Variants in TOX observed in about 807,000 individuals in gnomAD.
The protein encoded by TOX is thymocyte selection associated high mobility group box.
A neutral mutation model predicts 53.7 loss-of-function variants in TOX; 11 were observed. That is an observed-to-expected ratio of 0.20 (90% CI 0.13 to 0.34). The LOEUF is 0.34. TOX is among the 10% of genes least tolerant of loss of function. TOX has a pLI of 1.00. For synonymous variants in TOX, 225 were observed against 245.3 expected (o/e 0.92, Z 0.77); for missense variants, 570 against 664.6 (o/e 0.86, Z 1.56).
intron 1 of TOX, among the ~76,000 whole-genome samples, chr8:58,969,761 C>G (rs191989677): frequency 6.6e-6 from 1 of 152,220 alleles, no homozygotes; most frequent in East Asian, 1.9e-4. Flanking sequence ...AATACTTCAT[C>G]CTCCCCTTTG....
chr8:58,808,058 G>C, intron 8 of TOX, 60 bp downstream of exon 8: 2 of 1,556,282 alleles, frequency 1.3e-6, no homozygotes, highest in Non-Finnish European at 1.7e-6. Flanking sequence ...CGATCAACTA[G>C]GGACGATATG....
intron 1 of TOX, among the ~76,000 whole-genome samples, chr8:59,087,564 T>C (rs947901559): frequency 1.3e-5 from 2 of 152,228 alleles, no homozygotes; most frequent in Admixed American, 6.5e-5. Flanking sequence ...TTCAAAGATA[T>C]ATTCTGACAG....
chr8:58,998,493 G>GTATATATATATATATATATATA (rs61434586), intron 1 of TOX, among the ~76,000 whole-genome samples: 1 of 63,618 alleles, frequency 1.6e-5, no homozygotes. Context: ...CATCTCAAAA[G>GTATATATATATATATATATATA]TATATATATA....
intron 2 of TOX, 93 bp from the exon 3 acceptor site, chr8:58,939,637 A>G: frequency 2.7e-6 from 4 of 1,493,508 alleles, no homozygotes; most frequent in Non-Finnish European, 2.7e-6. Context: ...TATTATTACA[A>G]GCAGCATATG....
At chr8:58,881,308 T>C (rs374069663) in intron 3 of TOX, among the ~76,000 whole-genome samples, 1 of 152,218 alleles carries the variant, frequency 6.6e-6, no homozygotes, top group Non-Finnish European at 1.5e-5. Context: ...TATTATCCTC[T>C]AAAGACAATA....
intron 1 of TOX, among the ~76,000 whole-genome samples, chr8:59,064,446 T>G (rs1186777533): frequency 1.3e-5 from 2 of 152,266 alleles, no homozygotes; most frequent in Non-Finnish European, 2.9e-5. Flanking sequence ...TAACTCTGGA[T>G]AAAACTGCTA....
chr8:59,119,037 A>G lies in TOX; in HGVS notation c.-50T>C, dbSNP rs1805163370. On this transcript the variant is annotated 5_prime_UTR_variant, in exon 1 of 9. Coordinates refer to ENST00000361421, the MANE Select transcript of TOX (RefSeq NM_014729.3). ...TTTTCTTTTTCCTTTTTTAAAAAAA[A>G]GTGTTCAGCAAAACAAGCTTAGACG... 3 of 1,367,780 alleles carry G rather than the reference A, an allele frequency of 2.2e-6. No individual in the cohort carries two copies. Among genetic ancestry groups the G allele is most frequent in the Non-Finnish European group, 2.1e-6 (2 of 972,432 alleles). The allele number at this position is 1,367,780 out of a possible 1,614,324, so 84.7% of individuals were successfully genotyped here.
At chr8:59,079,270 A>C (rs891668372) in intron 1 of TOX, among the ~76,000 whole-genome samples, 2 of 152,222 alleles carry the variant, frequency 1.3e-5, no homozygotes, top group Admixed American at 6.5e-5. Context: ...AAATATAGCA[A>C]AATTGGCAAA....
At chr8:58,975,390 CTAAT>C (rs2129180060) in intron 1 of TOX, among the ~76,000 whole-genome samples, 1 of 152,146 alleles carries the variant, frequency 6.6e-6, no homozygotes, top group East Asian at 1.9e-4. Context: ...AGCAAGTAAA[CTAAT>C]TAAGTCCTTA....
intron 5 of TOX, among the ~76,000 whole-genome samples, chr8:58,831,768 C>G (rs1810457432): frequency 6.6e-6 from 1 of 152,118 alleles, no homozygotes; most frequent in Non-Finnish European, 1.5e-5. Context: ...AGCATCTAAT[C>G]CATGGTCTCA....
intron 5 of TOX, among the ~76,000 whole-genome samples, chr8:58,835,360 G>A (rs907082415): frequency 6.6e-6 from 1 of 152,066 alleles, no homozygotes; most frequent in African/African-American, 2.4e-5. Flanking sequence ...ATCCACATTA[G>A]GGAGACCAGC....
intron 1 of TOX, among the ~76,000 whole-genome samples, chr8:58,997,615 T>G (rs1467805542): frequency 1.3e-5 from 2 of 152,246 alleles, no homozygotes; most frequent in South Asian, 4.1e-4. Context: ...GATCACTATT[T>G]GACAAAATCT....
chr8:58,826,885 G>T lies in TOX; in HGVS notation c.942C>A (p.Thr314=). 3 of 1,611,306 alleles carry T rather than the reference G, an allele frequency of 1.9e-6. No homozygotes were observed. Among genetic ancestry groups the T allele is most frequent in the Non-Finnish European group, 2.5e-6 (3 of 1,178,878 alleles). ...EEQKQVYKKK[T]EAAKKEYLKQ... is the part of the protein sequence containing the mutation. Reference sequence around the variant, plus strand: ...TCAGGTACTCCTTCTTCGCAGCCTCGGTTTTCTTTTTATAGACCTGCAACA... The same window carrying T: ...TCAGGTACTCCTTCTTCGCAGCCTCTGTTTTCTTTTTATAGACCTGCAACA... Residue 314 remains threonine, a synonymous_variant, in exon 6 of 9, where the codon ACC becomes ACA. Coordinates refer to ENST00000361421, the MANE Select transcript of TOX (RefSeq NM_014729.3).
intron 1 of TOX, among the ~76,000 whole-genome samples, chr8:59,086,331 G>C (rs879602857): frequency 1.3e-5 from 2 of 152,092 alleles, no homozygotes; most frequent in African/African-American, 4.8e-5. Context: ...GGGGTGTGAA[G>C]AGACATGAGG....
chr8:58,833,043 A>G (rs888155086), intron 5 of TOX, among the ~76,000 whole-genome samples: 1 of 152,086 alleles, frequency 6.6e-6, no homozygotes, highest in Non-Finnish European at 1.5e-5. Context: ...ACAAAAATAC[A>G]CTCTGGGTAC....
At chr8:59,011,581 CA>C (rs5891706) in intron 1 of TOX, among the ~76,000 whole-genome samples, 75,233 of 151,874 alleles carry the variant, frequency 0.5, 21,223 homozygotes, top group Non-Finnish European at 0.61. Flanking sequence ...ATCTTTTTTT[CA>C]AATTAGGCTA....
intron 1 of TOX, among the ~76,000 whole-genome samples, chr8:59,037,963 A>G (rs889039368): frequency 6.6e-6 from 1 of 152,186 alleles, no homozygotes; most frequent in African/African-American, 2.4e-5. Flanking sequence ...ATTACACAGG[A>G]CAATAATAAA....
intron 3 of TOX, among the ~76,000 whole-genome samples, chr8:58,897,880 G>GT (rs1347986952): frequency 2.0e-5 from 3 of 151,838 alleles, no homozygotes; most frequent in Non-Finnish European, 4.4e-5. Flanking sequence ...GTTCTTGATT[G>GT]TGTCTATGGA....
chr8:58,958,011 A>G (rs1440019996), intron 2 of TOX, among the ~76,000 whole-genome samples: 1 of 152,198 alleles, frequency 6.6e-6, no homozygotes, highest in East Asian at 1.9e-4. Flanking sequence ...TCTCCAGAGT[A>G]TGTATTATCT....
Sources: gnomAD v4.1 joint callset for allele counts (sites outside exome capture counted in the v4.1 genomes callset) on GRCh38, gnomAD v4.1.1 for gene constraint, MANE v1.5 for transcripts, NCBI Gene and HGNC (gene_info 2026-07-23, HGNC 2026-07-21) for gene names.